The following NME8 variants were observed in gnomAD, a reference collection of about 807,000 sequenced individuals.
NME8 encodes the protein NME/NM23 family member 8.
A neutral mutation model predicts 82.3 loss-of-function variants in NME8; 72 were observed. That is an observed-to-expected ratio of 0.87 (90% CI 0.72 to 1.06). NME8 has a LOEUF of 1.06. Among genes scored for constraint, NME8 ranks in the 50% least tolerant of loss-of-function variants. The probability of loss-of-function intolerance (pLI) is 0.00; values close to 1 mark genes in which losing one functional copy is unlikely to be tolerated. For synonymous variants in NME8, 267 were observed against 228.5 expected, an observed-to-expected ratio of 1.17 and a Z score of -1.52; for missense variants, 712 against 685.4, an observed-to-expected ratio of 1.04 and a Z score of -0.43.
chr7:37,873,370 A>AAAAGAAAAG (rs1554364319), intron 11 of NME8, among the ~76,000 whole-genome samples: 2 of 147,102 alleles, frequency 1.4e-5, no homozygotes, highest in South Asian at 2.2e-4. Flanking sequence ...AAAAAAAAAA[A>AAAAGAAAAG]AAAAGAAAAG....
chr7:37,853,588 A>C lies in NME8; in HGVS notation c.198+2853A>C, dbSNP rs192914771. ...TGGCAGTTGGCATTAGGAAAGTGGC[A>C]GTAGACGTTCACATAGACTAGGGGT... On this transcript the variant is annotated intron_variant, in intron 5 of 17. Coordinates refer to ENST00000199447, the MANE Select transcript of NME8 (RefSeq NM_016616.5). 2.2e-3 allele frequency among the ~76,000 whole-genome samples: 329 copies of C among 152,320 alleles called. 2 individuals are homozygous for C. Among genetic ancestry groups the C allele is most frequent in the Admixed American group, 5.2e-3 (80 of 15,286 alleles).
At chr7:37,877,967 A>C (rs1467221497) in intron 12 of NME8, among the ~76,000 whole-genome samples, 2 of 152,054 alleles carry the variant, frequency 1.3e-5, no homozygotes, top group Non-Finnish European at 2.9e-5. Flanking sequence ...TATGCCTTTT[A>C]TTTCTTTTTC....
intron 10 of NME8, among the ~76,000 whole-genome samples, chr7:37,866,822 C>T (rs1352786320): frequency 6.6e-6 from 1 of 152,100 alleles, no homozygotes; most frequent in Non-Finnish European, 1.5e-5. Flanking sequence ...CGGGGCACAG[C>T]TTGATTTTAT....
Position 37,853,020 on chromosome 7 carries a change from T to C in NME8, c.198+2285T>C, listed in dbSNP as rs571712574. ...TCTGTTCTCTGGATTTTGGTCATCC[T>C]AATAAGTGTGTAGTGGAATCACTTT... is the stretch of plus-strand genomic sequence containing the variant. On this transcript the variant is annotated intron_variant, in intron 5 of 17. Coordinates refer to ENST00000199447, the MANE Select transcript of NME8 (RefSeq NM_016616.5). Among the ~76,000 whole-genome samples, 9 of 152,348 alleles carry C rather than the reference T, an allele frequency of 5.9e-5. No individual in the cohort carries two copies. The South Asian group carries it at 1.9e-3, about 32-fold the overall frequency.
intron 15 of NME8, among the ~76,000 whole-genome samples, chr7:37,891,361 A>G (rs1054900811): frequency 6.6e-6 from 1 of 151,910 alleles, no homozygotes; most frequent in Non-Finnish European, 1.5e-5. Context: ...GACCAATGCT[A>G]TGAAGCATTT....
intron 12 of NME8, among the ~76,000 whole-genome samples, chr7:37,883,199 G>A (rs2722367): frequency 0.47 from 71,191 of 151,944 alleles, 17,113 homozygotes; most frequent in East Asian, 0.74. Context: ...TCAAGAAGCT[G>A]TTAACATTAT....
At chr7:37,891,045 G>T (rs1371170751) in intron 15 of NME8, among the ~76,000 whole-genome samples, 1 of 151,386 alleles carries the variant, frequency 6.6e-6, no homozygotes, top group African/African-American at 2.4e-5. Context: ...TGTATCTGTT[G>T]GTCATTGTAT....
intron 11 of NME8, among the ~76,000 whole-genome samples, 198 bp downstream of exon 11, chr7:37,868,096 A>G (rs1784717403): frequency 6.6e-6 from 1 of 152,226 alleles, no homozygotes; most frequent in African/African-American, 2.4e-5. Flanking sequence ...TGGAAAAAGT[A>G]GTTGGCTTGT....
chr7:37,896,180 G>A (rs961990930), intron 16 of NME8, among the ~76,000 whole-genome samples: 2 of 152,202 alleles, frequency 1.3e-5, no homozygotes, highest in Non-Finnish European at 2.9e-5. Context: ...TGGAATATAT[G>A]TGCTATTGAG....
At chr7:37,851,979 AT>A (rs1472462425) in intron 5 of NME8, among the ~76,000 whole-genome samples, 1 of 151,940 alleles carries the variant, frequency 6.6e-6, no homozygotes, top group African/African-American at 2.4e-5. Flanking sequence ...CATAGGACTT[AT>A]TTTCCTTAGT....
intron 11 of NME8, among the ~76,000 whole-genome samples, chr7:37,870,916 T>C (rs1233505510): frequency 6.6e-6 from 1 of 152,230 alleles, no homozygotes. Context: ...GAGGGCCTGA[T>C]AGGCACTGTC....
chr7:37,867,640 C>T, intron 10 of NME8, 62 bp from the exon 11 acceptor site: 2 of 1,290,696 alleles, frequency 1.5e-6, no homozygotes, highest in Non-Finnish European at 2.2e-6. Flanking sequence ...GGGTAGTGAC[C>T]ACCATTTTAG....
chr7:37,861,536 G>T (rs957462004), intron 6 of NME8, among the ~76,000 whole-genome samples: 1 of 152,074 alleles, frequency 6.6e-6, no homozygotes, highest in South Asian at 2.1e-4. Context: ...GTGTTTTTAT[G>T]TAGGGCTTTT....
intron 13 of NME8, 124 bp from the exon 14 acceptor site, chr7:37,885,021 A>G (rs1462720118): frequency 1.4e-6 from 1 of 698,356 alleles, no homozygotes; most frequent in Non-Finnish European, 2.5e-6. Flanking sequence ...GACCTCTGTT[A>G]AAAGATTATT....
Position 37,850,422 on chromosome 7 carries a change from CA to C in NME8, c.81del (p.Gly28AlafsTer2). The part of the protein sequence containing the change: ...QSLWDEMLQN[K>X]GLTVIDVYQA... Reference sequence around the variant, plus strand: ...GCCTGTGGGATGAGATGTTGCAGAACAAAGGCTTAACAGGTATAAGGACTCC... The same window carrying C: ...GCCTGTGGGATGAGATGTTGCAGAACAAGGCTTAACAGGTATAAGGACTCC... On this transcript the variant is annotated frameshift_variant, in exon 4 of 18. Transcript: ENST00000199447. LOFTEE classifies it high-confidence loss of function. 6.2e-7 allele frequency: 1 copy of C among 1,614,092 alleles called. No homozygotes were observed. The highest frequency in any genetic ancestry group is 8.5e-7 in the Non-Finnish European group (1 of 1,179,992).
rs1463624653 is a variant in NME8 at position 37,897,056 on chromosome 7, T to A, written c.1731T>A (p.Val577=). The A allele has an allele frequency of 1.2e-6, 2 of 1,613,794 alleles. No homozygotes were observed. The highest frequency in any genetic ancestry group is 1.7e-6 in the Non-Finnish European group (2 of 1,179,756). ...CTAACGCCTATGAAGCAAAAGAGGT[T>A]GTTAATAGACTCTTTGAGGATCCTG... ...GASNAYEAKE[V]VNRLFEDPEE... The change falls in exon 17 of 18, where the codon GTT becomes GTA. Residue 577 remains valine, a synonymous_variant. Transcript: ENST00000199447.
intron 6 of NME8, among the ~76,000 whole-genome samples, chr7:37,861,415 A>T (rs574031754): frequency 1.3e-5 from 2 of 152,268 alleles, no homozygotes; most frequent in African/African-American, 4.8e-5. Flanking sequence ...ACTTCCTGAC[A>T]TTGAGAAGTA....
At chr7:37,898,893 A>AT (rs1312141093) in intron 17 of NME8, among the ~76,000 whole-genome samples, 1 of 152,242 alleles carries the variant, frequency 6.6e-6, no homozygotes, top group African/African-American at 2.4e-5. Context: ...TATTGCCAGG[A>AT]TAAAAAAAAT....
chr7:37,869,983 C>T (rs974603969), intron 11 of NME8, among the ~76,000 whole-genome samples: 1 of 152,110 alleles, frequency 6.6e-6, no homozygotes, highest in Non-Finnish European at 1.5e-5. Context: ...TTTTCTTCCT[C>T]TCCCTATAAG....
Sources: gnomAD v4.1 joint callset for allele counts (sites outside exome capture counted in the v4.1 genomes callset) on GRCh38, gnomAD v4.1.1 for gene constraint, MANE v1.5 for transcripts, NCBI Gene and HGNC (gene_info 2026-07-23, HGNC 2026-07-21) for gene names.